Variants in OTOGL observed in about 807,000 individuals in gnomAD.
OTOGL encodes the protein otogelin-like protein.
OTOGL carries 285 observed loss-of-function variants against 318.5 expected under a neutral mutation model. That is an observed-to-expected ratio of 0.89 (90% CI 0.81 to 0.99). The LOEUF (loss-of-function observed/expected upper bound fraction) is 0.99. Among genes scored for constraint, OTOGL ranks in the 50% least tolerant of loss-of-function variants. OTOGL has a pLI of 0.00. For missense variants in OTOGL, 2,899 were observed against 2,845.6 expected, an observed-to-expected ratio of 1.02 and a Z score of -0.43; for synonymous variants, 987 against 936.5, an observed-to-expected ratio of 1.05 and a Z score of -0.99.
intron 4 of OTOGL, 65 bp downstream of exon 4, chr12:80,212,062 T>C: frequency 7.0e-7 from 1 of 1,432,412 alleles, no homozygotes; most frequent in South Asian, 1.2e-5. Context: ...GACTCTGCTG[T>C]CACTTCAACA....
At chr12:80,334,980 G>A (rs1367600732) in intron 38 of OTOGL, among the ~76,000 whole-genome samples, 8 of 152,032 alleles carry the variant, frequency 5.3e-5, no homozygotes, top group Admixed American at 2.0e-4. Flanking sequence ...TCACTTAAGA[G>A]TCTTACTATT....
At chr12:80,314,246 C>A in intron 31 of OTOGL, 59 bp from the exon 32 acceptor site, 1 of 588,434 alleles carries the variant, frequency 1.7e-6, no homozygotes, top group Non-Finnish European at 2.5e-6. Context: ...ATCTTGCCCA[C>A]ATTCAGATAA....
At chr12:80,290,828 G>C (rs761373661) in intron 26 of OTOGL, among the ~76,000 whole-genome samples, 2 of 152,174 alleles carry the variant, frequency 1.3e-5, no homozygotes, top group African/African-American at 4.8e-5. Context: ...TAAATGTAAA[G>C]CATGCCAGTA....
intron 29 of OTOGL, among the ~76,000 whole-genome samples, chr12:80,307,644 C>T (rs1315009340): frequency 1.5e-4 from 16 of 109,596 alleles, no homozygotes; most frequent in Non-Finnish European, 2.6e-4. Flanking sequence ...CTGGATGGGA[C>T]GGCTGGCCGG....
At chr12:80,361,345 T>C (rs1484035174) in intron 52 of OTOGL, among the ~76,000 whole-genome samples, 2 of 152,164 alleles carry the variant, frequency 1.3e-5, no homozygotes, top group Non-Finnish European at 2.9e-5. Flanking sequence ...GGTATTGCAT[T>C]GTGTATATAT....
intron 4 of OTOGL, among the ~76,000 whole-genome samples, chr12:80,215,352 A>G (rs1245926804): frequency 1.3e-5 from 2 of 151,966 alleles, no homozygotes; most frequent in African/African-American, 2.4e-5. Context: ...TTTTTAGTAG[A>G]GATGGGGTTT....
chr12:80,214,854 T>C (rs1322738297), intron 4 of OTOGL, among the ~76,000 whole-genome samples: 3 of 152,176 alleles, frequency 2.0e-5, no homozygotes, highest in Non-Finnish European at 4.4e-5. Context: ...AAAATAAATA[T>C]GCTCCAATTA....
At chr12:80,222,328 A>G (rs1190237458) in intron 7 of OTOGL, 83 bp downstream of exon 7, 14 of 1,273,854 alleles carry the variant, frequency 1.1e-5, no homozygotes, top group Admixed American at 5.4e-5. Context: ...AAAATGATGC[A>G]AAATATATAC....
At chr12:80,220,041 T>G (rs1592563117) in intron 6 of OTOGL, 129 bp downstream of exon 6, 4 of 693,186 alleles carry the variant, frequency 5.8e-6, no homozygotes, top group Admixed American at 3.0e-5. Context: ...TCATTCTCAG[T>G]AATTTGATGT....
intron 1 of OTOGL, among the ~76,000 whole-genome samples, chr12:80,148,757 T>A (rs1406776133): frequency 6.6e-6 from 1 of 152,194 alleles, no homozygotes; most frequent in Non-Finnish European, 1.5e-5. Flanking sequence ...TCATTTGTTT[T>A]TATTCTGTTT....
Position 80,103,352 on chromosome 12 carries a change from G to A in OTOGL, c.-20+3747G>A, listed in dbSNP as rs868486562. On this transcript the variant is annotated intron_variant, in intron 1 of 58. Transcript: ENST00000547103. ...ACTTCATTTTGGCCGCTCCCGCTTCGGTGATCGATCTTCTTTTCTTTTCTT... is the reference window on the plus strand; with the variant it reads ...ACTTCATTTTGGCCGCTCCCGCTTCAGTGATCGATCTTCTTTTCTTTTCTT... 37 of 1,240,374 alleles carry A rather than the reference G, an allele frequency of 3.0e-5. No individual in the cohort carries two copies. The African/African-American group carries it at 3.4e-4, about 11-fold the overall frequency. The allele number at this position is 1,240,374 out of a possible 1,614,324, so 76.8% of individuals were successfully genotyped here. A position where few individuals can be genotyped will look rare whatever the true frequency, so the allele number is the denominator to read the frequency against.
At position 80,367,595 on chromosome 12, in the gene OTOGL, A is replaced by G; in HGVS notation, c.6366A>G (p.Ser2122=). ...ATGTGTGTGTATTTCAAGAAGTATC[A>G]GTATTGAATCCTGGACAATCCATGA... is the stretch of plus-strand genomic sequence containing the variant. ...KDDVCVFQEV[S]VLNPGQSMIK... The change falls in exon 54 of 59, where the codon TCA becomes TCG. Residue 2122 remains serine (S), a synonymous_variant. Transcript: ENST00000547103. 1 of 1,544,968 alleles carries G rather than the reference A, an allele frequency of 6.5e-7. No homozygotes were observed. The highest frequency in any genetic ancestry group is 1.4e-5 in the African/African-American group (1 of 72,638).
intron 1 of OTOGL, among the ~76,000 whole-genome samples, chr12:80,198,033 C>G (rs1266784193): frequency 1.3e-5 from 2 of 152,090 alleles, no homozygotes; most frequent in African/African-American, 4.8e-5. Flanking sequence ...CTTTCTTCCT[C>G]TTTGTTTTCT....
At chr12:80,101,417 C>G (rs531467171) in intron 1 of OTOGL, among the ~76,000 whole-genome samples, 2 of 152,314 alleles carry the variant, frequency 1.3e-5, no homozygotes, top group Admixed American at 6.5e-5. Context: ...GAACATCCTC[C>G]TTTCTGGCTT....
intron 25 of OTOGL, 43 bp from the exon 26 acceptor site, chr12:80,278,985 G>T: frequency 6.4e-7 from 1 of 1,574,734 alleles, no homozygotes; most frequent in South Asian, 1.1e-5. Context: ...TCACTAGTTA[G>T]AGTCGTTTCT....
At chr12:80,155,284 G>A (rs1315694835) in intron 1 of OTOGL, among the ~76,000 whole-genome samples, 11 of 152,068 alleles carry the variant, frequency 7.2e-5, no homozygotes, top group Non-Finnish European at 2.9e-5. Flanking sequence ...AAATTTTAAT[G>A]AAGTACAGCT....
chr12:80,185,884 G>A (rs1183885480), intron 1 of OTOGL, among the ~76,000 whole-genome samples: 1 of 152,104 alleles, frequency 6.6e-6, no homozygotes, highest in Non-Finnish European at 1.5e-5. Flanking sequence ...AGGATTTGAG[G>A]TGGCACTACA....
intron 46 of OTOGL, 44 bp downstream of exon 46, chr12:80,353,554 C>G (rs1311551175): frequency 1.5e-6 from 2 of 1,307,732 alleles, no homozygotes; most frequent in East Asian, 5.5e-5. Flanking sequence ...ATCCGGCAAA[C>G]AAACAAAAAC....
chr12:80,253,128 A>C (rs2137506828), intron 13 of OTOGL, among the ~76,000 whole-genome samples: 1 of 152,266 alleles, frequency 6.6e-6, no homozygotes, highest in South Asian at 2.1e-4. Context: ...TCTTGGAATG[A>C]ACAGAAACTA....
Sources: gnomAD v4.1 joint callset for allele counts (sites outside exome capture counted in the v4.1 genomes callset) on GRCh38, gnomAD v4.1.1 for gene constraint, MANE v1.5 for transcripts, NCBI Gene and HGNC (gene_info 2026-07-23, HGNC 2026-07-21) for gene names.